Variants in ANKS1B observed in about 807,000 individuals in gnomAD.
ANKS1B encodes the protein ankyrin repeat and sterile alpha motif domain-containing protein 1B.
A neutral mutation model predicts 148.3 loss-of-function variants in ANKS1B; 36 were observed. The observed-to-expected ratio is 0.24, with a 90% CI of 0.19 to 0.32. ANKS1B has a LOEUF of 0.32. Among genes scored for constraint, ANKS1B ranks in the 10% least tolerant of loss-of-function variants. The pLI, the probability that ANKS1B is intolerant of heterozygous loss-of-function variation, is 1.00. For synonymous variants in ANKS1B, 542 were observed against 560.8 expected, an observed-to-expected ratio of 0.97 and a Z score of 0.47; for missense variants, 1,157 against 1,542.6, an observed-to-expected ratio of 0.75 and a Z score of 4.19.
At chr12:99,255,308 T>C (rs561316081) in intron 12 of ANKS1B, among the ~76,000 whole-genome samples, 1 of 152,270 alleles carries the variant, frequency 6.6e-6, no homozygotes, top group Non-Finnish European at 1.5e-5. Context: ...TAACTTTGAA[T>C]GGTTTTTTGT....
intron 17 of ANKS1B, among the ~76,000 whole-genome samples, chr12:99,029,540 A>C (rs1037631642): frequency 6.6e-6 from 1 of 152,236 alleles, no homozygotes. Flanking sequence ...CACAATCTAC[A>C]GTGAAGTACT....
intron 14 of ANKS1B, among the ~76,000 whole-genome samples, chr12:99,226,655 T>G (rs2085985839): frequency 6.6e-6 from 1 of 152,216 alleles, no homozygotes; most frequent in Non-Finnish European, 1.5e-5. Flanking sequence ...GTATCATCTT[T>G]GAGAGATAAA....
intron 8 of ANKS1B, among the ~76,000 whole-genome samples, chr12:99,680,970 T>C (rs1310554610): frequency 6.6e-6 from 1 of 151,258 alleles, no homozygotes; most frequent in Non-Finnish European, 1.5e-5. Context: ...CACAATCCCA[T>C]CCCCCACAGA....
Position 99,761,065 on chromosome 12 carries a change from C to CAAAAAAA in ANKS1B, c.1128+11850_1128+11856dup, listed in dbSNP as rs60542272. Among the ~76,000 whole-genome samples the CAAAAAAA allele has an allele frequency of 4.4e-4, 43 of 98,696 alleles. 1 individual carries two copies. The highest frequency in any genetic ancestry group is 7.3e-4 in the Admixed American group (6 of 8,254). The allele number at this position is 98,696 out of a possible 152,430, so 64.7% of individuals were successfully genotyped here. Reference sequence around the variant, plus strand: ...AATCAGTAATAAAAAGCCTAACAACCAAAAAAAAAAAAAAAAAACCCTGGA... The same window carrying CAAAAAAA: ...AATCAGTAATAAAAAGCCTAACAACCAAAAAAAAAAAAAAAAAAAAAAAAACCCTGGA... On this transcript the variant is annotated intron_variant, in intron 8 of 26. Transcript: ENST00000683438.
At chr12:99,840,918 TA>T (rs2085633813) in intron 1 of ANKS1B, among the ~76,000 whole-genome samples, 2 of 152,180 alleles carry the variant, frequency 1.3e-5, no homozygotes, top group Non-Finnish European at 2.9e-5. Flanking sequence ...TGATGCTTGC[TA>T]CTGGATTCTC....
chr12:99,257,239 G>C (rs562031272), intron 12 of ANKS1B, among the ~76,000 whole-genome samples: 2 of 150,092 alleles, frequency 1.3e-5, no homozygotes, highest in Non-Finnish European at 3.0e-5. Context: ...GCGAGACTCC[G>C]TCTCAAAAAA....
chr12:98,937,943 T>C (rs771441413), intron 17 of ANKS1B, among the ~76,000 whole-genome samples: 2 of 151,812 alleles, frequency 1.3e-5, no homozygotes, highest in African/African-American at 2.4e-5. Flanking sequence ...TTTTAAACCA[T>C]CAGATCTTGT....
chr12:99,248,948 A>G (rs2074226793), intron 12 of ANKS1B, among the ~76,000 whole-genome samples: 1 of 152,198 alleles, frequency 6.6e-6, no homozygotes. Flanking sequence ...AAAGCATCAG[A>G]GCTTTTTCTT....
intron 12 of ANKS1B, among the ~76,000 whole-genome samples, chr12:99,388,479 C>A (rs540029285): frequency 6.6e-6 from 1 of 152,256 alleles, no homozygotes; most frequent in East Asian, 1.9e-4. Flanking sequence ...ATGGGAGAGG[C>A]ACCTTGAGGC....
chr12:99,440,963 A>T (rs1351273335), intron 11 of ANKS1B, among the ~76,000 whole-genome samples: 1 of 151,906 alleles, frequency 6.6e-6, no homozygotes, highest in Non-Finnish European at 1.5e-5. Flanking sequence ...GACTGAACAC[A>T]TCAGCTAATG....
intron 17 of ANKS1B, among the ~76,000 whole-genome samples, chr12:98,996,812 CAAAAAAAAAAAAAA>C (rs1160748107): frequency 0.011 from 446 of 40,682 alleles, 10 homozygotes; most frequent in African/African-American, 0.038. Flanking sequence ...GACTCTATCT[CAAAAAAAAAAAAAA>C]AAAAAAAAAA....
At chr12:99,641,110 T>C (rs1049989170) in intron 9 of ANKS1B, among the ~76,000 whole-genome samples, 6 of 152,224 alleles carry the variant, frequency 3.9e-5, no homozygotes, top group Admixed American at 3.3e-4. Context: ...TATATGAAGT[T>C]GTTTTATACT....
At chr12:99,972,745 C>T (rs1352657217) in intron 1 of ANKS1B, among the ~76,000 whole-genome samples, 2 of 152,210 alleles carry the variant, frequency 1.3e-5, no homozygotes, top group African/African-American at 2.4e-5. Flanking sequence ...AACAAAATTT[C>T]AGTGTAGATG....
At chr12:99,794,021 G>A (rs2065951578) in intron 4 of ANKS1B, among the ~76,000 whole-genome samples, 1 of 152,042 alleles carries the variant, frequency 6.6e-6, no homozygotes, top group South Asian at 2.1e-4. Flanking sequence ...CATTTGAATA[G>A]ACATTTCTCA....
At chr12:99,465,174 T>A (rs1313748593) in intron 10 of ANKS1B, among the ~76,000 whole-genome samples, 1 of 152,116 alleles carries the variant, frequency 6.6e-6, no homozygotes, top group Admixed American at 6.6e-5. Flanking sequence ...AACCCAGAAT[T>A]TCATATCCAG....
Position 99,217,613 on chromosome 12 carries a change from A to C in ANKS1B, c.2419+26729T>G, listed in dbSNP as rs554518263. On this transcript the variant is annotated intron_variant, in intron 14 of 26. Transcript: ENST00000683438. ...TCCACCAGCAAAGTCCAGAGGCAGC[A>C]TTTTGAATAGACCTGGTCCCTTTTC... Among the ~76,000 whole-genome samples the C allele has an allele frequency of 3.3e-5, 5 of 151,948 alleles. No individual in the cohort carries two copies. The South Asian group carries it at 1.0e-3, about 32-fold the overall frequency.
chr12:99,916,011 G>C (rs1358351902), intron 1 of ANKS1B, among the ~76,000 whole-genome samples: 1 of 151,840 alleles, frequency 6.6e-6, no homozygotes, highest in Non-Finnish European at 1.5e-5. Flanking sequence ...TTGGATTAGG[G>C]GCACAACCTA....
At chr12:99,700,217 C>G (rs1267973004) in intron 8 of ANKS1B, among the ~76,000 whole-genome samples, 2 of 152,244 alleles carry the variant, frequency 1.3e-5, no homozygotes, top group Non-Finnish European at 2.9e-5. Context: ...CTTGATCAGG[C>G]AGGGTTTACT....
At chr12:98,861,902 G>C (rs2099600872) in intron 17 of ANKS1B, among the ~76,000 whole-genome samples, 1 of 152,184 alleles carries the variant, frequency 6.6e-6, no homozygotes, top group East Asian at 1.9e-4. Flanking sequence ...ACTTTGAAAA[G>C]AATGATCCAA....
Sources: gnomAD v4.1 joint callset for allele counts (sites outside exome capture counted in the v4.1 genomes callset) on GRCh38, gnomAD v4.1.1 for gene constraint, MANE v1.5 for transcripts, NCBI Gene and HGNC (gene_info 2026-07-23, HGNC 2026-07-21) for gene names.